LOXL1: variants seen among roughly 807,000 people sequenced by gnomAD.
The protein encoded by LOXL1 is lysyl oxidase like 1.
A neutral mutation model predicts 62.2 loss-of-function variants in LOXL1; 31 were observed. The ratio of observed to expected loss-of-function variants is 0.50; its 90% confidence interval spans 0.37 to 0.67. LOXL1 has a LOEUF of 0.67. LOXL1 is among the 30% of genes least tolerant of loss of function. LOXL1 has a pLI of 0.00. For missense variants in LOXL1, 775 were observed against 843.4 expected (o/e 0.92, Z 1.00); for synonymous variants, 403 against 384.4 (o/e 1.05, Z -0.56).
In LOXL1 at chr15:73,927,868, C is replaced by A. The variant is rs1216241627; in HGVS notation, c.1085C>A (p.Pro362His). ...GRLSVGSVYRPNQNGRGLPDL... is the reference protein window; with the variant it reads ...GRLSVGSVYRHNQNGRGLPDL... ...CTCAGCGTGGGCAGCGTGTACCGGC[C>A]CAACCAGAACGGCCGCGGTGAGTAC... Residue 362 changes from proline (P) to histidine (H), a missense_variant, in exon 1 of 7, where the codon CCC becomes CAC. Coordinates refer to ENST00000261921, the MANE Select transcript of LOXL1 (RefSeq NM_005576.4). 35 of 1,323,578 alleles carry A rather than the reference C, an allele frequency of 2.6e-5. No homozygotes were observed. Among genetic ancestry groups the A allele is most frequent in the Middle Eastern group, 2.8e-4 (1 of 3,564 alleles). The allele number at this position is 1,323,578 out of a possible 1,614,324, so 82.0% of individuals were successfully genotyped here.
Position 73,926,954 on chromosome 15 carries a change from G to C in LOXL1, c.171G>C (p.Ser57=). ...NNGQVYSLLN[S]GSEYVPAGPQ... ...GGCAGGTGTACAGCTTGCTCAACTC[G>C]GGCTCAGAGTACGTGCCGGCCGGAC... is the stretch of plus-strand genomic sequence containing the variant. The change falls in exon 1 of 7, where the codon TCG becomes TCC. Residue 57 remains serine (S), a synonymous_variant. Coordinates refer to ENST00000261921, the MANE Select transcript of LOXL1 (RefSeq NM_005576.4). 6.4e-7 allele frequency: 1 copy of C among 1,552,330 alleles called. No individual in the cohort carries two copies. Among genetic ancestry groups the C allele is most frequent in the Non-Finnish European group, 8.7e-7 (1 of 1,149,998 alleles).
intron 1 of LOXL1, among the ~76,000 whole-genome samples, chr15:73,931,116 C>T (rs1265427317): frequency 6.6e-6 from 1 of 151,956 alleles, no homozygotes; most frequent in Non-Finnish European, 1.5e-5. Flanking sequence ...CCCAGAAGAC[C>T]AAAGCTCCCC....
At chr15:73,950,520 G>A (rs1344279114) in intron 6 of LOXL1, among the ~76,000 whole-genome samples, 2 of 152,062 alleles carry the variant, frequency 1.3e-5, no homozygotes, top group Non-Finnish European at 1.5e-5. Context: ...TGTGTGACAA[G>A]GGTTAGGACT....
chr15:73,944,389 A>G (rs2068734447), intron 2 of LOXL1, among the ~76,000 whole-genome samples: 1 of 152,236 alleles, frequency 6.6e-6, no homozygotes, highest in Non-Finnish European at 1.5e-5. Flanking sequence ...CTCCTGGTAC[A>G]GCTGGAGAGA....
rs1199084669 is a variant in LOXL1 at position 73,927,529 on chromosome 15, A to G, written c.746A>G (p.Gln249Arg). Residue 249 changes from glutamine (Q) to arginine (R), a missense_variant, in exon 1 of 7, where the codon CAG becomes CGG. Coordinates refer to ENST00000261921, the MANE Select transcript of LOXL1 (RefSeq NM_005576.4). ...GGEELPEYPP[Q>R]GFYPAPERPY... Reference sequence around the variant, plus strand: ...GAAGAGCTGCCCGAGTACCCGCCTCAGGGCTTCTACCCGGCCCCCGAGAGG... The same window carrying G: ...GAAGAGCTGCCCGAGTACCCGCCTCGGGGCTTCTACCCGGCCCCCGAGAGG... 2 of 1,385,992 alleles carry G rather than the reference A, an allele frequency of 1.4e-6. No homozygotes were observed. Among genetic ancestry groups the G allele is most frequent in the Admixed American group, 4.8e-5 (2 of 41,880 alleles). 85.9% of individuals were successfully genotyped at this position (1,385,992 alleles called of 1,614,324 possible).
intron 1 of LOXL1, among the ~76,000 whole-genome samples, chr15:73,935,256 A>G (rs1453749346): frequency 6.6e-6 from 1 of 152,120 alleles, no homozygotes; most frequent in African/African-American, 2.4e-5. Context: ...TCCAGAGAGT[A>G]GGAAGAGTGG....
In LOXL1 at chr15:73,945,884, A is replaced by T. The variant is rs771873184; in HGVS notation, c.1212-533A>T. Among the ~76,000 whole-genome samples, 261 of 152,016 alleles carry T rather than the reference A, an allele frequency of 1.7e-3. 2 individuals carry two copies. Among genetic ancestry groups the T allele is most frequent in the Non-Finnish European group, 3.2e-3 (220 of 68,022 alleles). ...TACCTGGCTAATTTTTTAATTTTTT[A>T]AAAATTTCTTTAATTAAATTAATTT... On this transcript the variant is annotated intron_variant, in intron 2 of 6. Coordinates refer to ENST00000261921, the MANE Select transcript of LOXL1 (RefSeq NM_005576.4). The surrounding 1 kb of genome is among the most constrained non-coding windows in gnomAD (Gnocchi z 4.3).
chr15:73,933,241 G>C (rs2068647389), intron 1 of LOXL1, among the ~76,000 whole-genome samples: 1 of 152,204 alleles, frequency 6.6e-6, no homozygotes, highest in Non-Finnish European at 1.5e-5. Flanking sequence ...CTGAGGCTCG[G>C]AGAAATTAAC....
rs150012543 is a variant in LOXL1, at chr15:73,949,464, C to T, written c.1608C>T (p.His536=). Residue 536 remains histidine (H), a synonymous_variant, in exon 6 of 7, where the codon CAC becomes CAT. Transcript: ENST00000261921. ...VQPGNYILKV[H]VNPKYIVLES... is the part of the protein sequence containing the mutation. ...CTGTTTCTCTTCTTCCTCAGGTGCA[C>T]GTGAACCCAAAGTATATTGTTTTGG... 100 of 1,607,404 alleles carry T rather than the reference C, an allele frequency of 6.2e-5. No homozygotes were observed. The highest frequency in any genetic ancestry group is 8.3e-5 in the Non-Finnish European group (97 of 1,173,962).
chr15:73,944,740 C>G (rs1332237544), intron 2 of LOXL1, among the ~76,000 whole-genome samples: 1 of 152,216 alleles, frequency 6.6e-6, no homozygotes, highest in African/African-American at 2.4e-5. Flanking sequence ...TTATGGTTTC[C>G]CACGGTGTGC....
intron 5 of LOXL1, 49 bp from the exon 6 acceptor site, chr15:73,949,410 C>G (rs370861597): frequency 9.1e-7 from 1 of 1,093,224 alleles, no homozygotes; most frequent in East Asian, 2.3e-5. Flanking sequence ...AGTTGAGGTG[C>G]AGCCCCCCTG....
intron 1 of LOXL1, among the ~76,000 whole-genome samples, chr15:73,931,695 C>T (rs1408787651): frequency 6.6e-6 from 1 of 152,190 alleles, no homozygotes; most frequent in Non-Finnish European, 1.5e-5. Flanking sequence ...TGGCTGCCTG[C>T]TACCACCTCT....
rs2068747930 is a variant in LOXL1 at position 73,946,444 on chromosome 15, C to CTACG, written c.1240_1243dup (p.Asp415ValfsTer75). 6.2e-7 allele frequency: 1 copy of CTACG among 1,613,128 alleles called. No homozygotes were observed. The highest frequency in any genetic ancestry group is 1.7e-5 in the Admixed American group (1 of 59,976). On this transcript the variant is annotated frameshift_variant, in exon 3 of 7. Transcript: ENST00000261921. LOFTEE classifies it high-confidence loss of function. ...CAGCCTATGCCCCTGAGGCCACCGA[C>CTACG]TACGATGTGCGGGTGCTACTGCGCT...
rs5813735 is a variant in LOXL1 at position 73,950,293 on chromosome 15, T to TA, written c.1718+736dup. On this transcript the variant is annotated intron_variant, in intron 6 of 6. Coordinates refer to ENST00000261921, the MANE Select transcript of LOXL1 (RefSeq NM_005576.4). ...CCAGATCGAAGCAACCCTTTTCCATTAAAAAAAAAAAAAAAAATTAGTCCT... is the reference window on the plus strand; with the variant it reads ...CCAGATCGAAGCAACCCTTTTCCATTAAAAAAAAAAAAAAAAAATTAGTCCT... Among the ~76,000 whole-genome samples the TA allele has an allele frequency of 2.2e-3, 324 of 146,146 alleles. 1 individual carries two copies. The highest frequency in any genetic ancestry group is 0.011 in the Middle Eastern group (3 of 282).
intron 4 of LOXL1, chr15:73,947,503 C>T (rs1240803752): frequency 2.0e-6 from 1 of 495,920 alleles, no homozygotes; most frequent in Admixed American, 3.6e-5. Flanking sequence ...GGCCTGTTCA[C>T]CCACCCATAT....
chr15:73,934,269 G>A (rs1411017866), intron 1 of LOXL1, among the ~76,000 whole-genome samples: 5 of 152,230 alleles, frequency 3.3e-5, no homozygotes, highest in East Asian at 1.9e-4. Flanking sequence ...GCCACCAGAC[G>A]TTTTATGGAG....
chr15:73,938,431 A>G (rs1036089719), intron 1 of LOXL1, among the ~76,000 whole-genome samples: 12 of 139,972 alleles, frequency 8.6e-5, no homozygotes, highest in African/African-American at 2.2e-4. Flanking sequence ...GTTTACATGG[A>G]CTGGGCTCGG....
intron 1 of LOXL1, among the ~76,000 whole-genome samples, chr15:73,936,259 G>A (rs572495510): frequency 3.3e-5 from 5 of 152,274 alleles, no homozygotes; most frequent in Admixed American, 2.0e-4. Flanking sequence ...ATGGGGCAAA[G>A]TGGAATCTGC....
chr15:73,927,683 C>G lies in LOXL1; in HGVS notation c.900C>G (p.Ala300=). Residue 300 remains alanine, a synonymous_variant, in exon 1 of 7, where the codon GCC becomes GCG. Transcript: ENST00000261921. ...YPDPGPEAAQ[A]HGGDPRLGWY... ...ACCCCGGTCCCGAGGCGGCGCAGGCCCATGGCGGAGACCCACGCCTGGGCT... is the reference window on the plus strand; with the variant it reads ...ACCCCGGTCCCGAGGCGGCGCAGGCGCATGGCGGAGACCCACGCCTGGGCT... 4.0e-6 allele frequency: 6 copies of G among 1,484,546 alleles called. No homozygotes were observed. The highest frequency in any genetic ancestry group is 5.3e-6 in the Non-Finnish European group (6 of 1,124,728). The allele number at this position is 1,484,546 out of a possible 1,614,324, so 92.0% of individuals were successfully genotyped here.
Sources: allele counts gnomAD v4.1 joint callset (sites outside exome capture counted in the v4.1 genomes callset), GRCh38; gene constraint gnomAD v4.1.1; non-coding constraint Gnocchi (gnomAD v3.1); transcripts MANE v1.5; gene names NCBI Gene and HGNC (gene_info 2026-07-23, HGNC 2026-07-21).